Variants in EFHC2 observed in about 807,000 individuals in gnomAD.
The protein encoded by EFHC2 is EF-hand domain containing 2.
Under a neutral mutation model 52.7 loss-of-function variants are expected in EFHC2, and 18 were observed. The observed-to-expected ratio is 0.34, with a 90% CI of 0.24 to 0.51. The LOEUF is 0.51. EFHC2 is among the 20% of genes least tolerant of loss of function. EFHC2 has a pLI of 0.97. For synonymous variants in EFHC2, 203 were observed against 204.1 expected (o/e 0.99, Z 0.04); for missense variants, 513 against 562.5 (o/e 0.91, Z 0.89).
intron 3 of EFHC2, among the ~76,000 whole-genome samples, chrX:44,262,927 A>C (rs1201552485): frequency 5.3e-5 from 6 of 112,184 alleles, no homozygotes; most frequent in Non-Finnish European, 1.1e-4. Context: ...GGAGACACTA[A>C]GCCTCTATCT....
chrX:44,163,847 A>G, intron 14 of EFHC2, 75 bp downstream of exon 14: 1 of 709,875 alleles, frequency 1.4e-6, no homozygotes, highest in Non-Finnish European at 2.1e-6. Flanking sequence ...AATGAAAAAT[A>G]ATTTAAAGAT....
chrX:44,313,041 G>T (rs1602212271), intron 1 of EFHC2, among the ~76,000 whole-genome samples: 1 of 95,458 alleles, frequency 1.0e-5, no homozygotes, highest in Non-Finnish European at 2.0e-5. Flanking sequence ...TAAATATTTA[G>T]AACATTAGCT....
intron 2 of EFHC2, among the ~76,000 whole-genome samples, chrX:44,304,506 C>T (rs752822417): frequency 1.8e-5 from 2 of 111,505 alleles, no homozygotes; most frequent in Admixed American, 1.9e-4. Context: ...TGAGGACAAC[C>T]GTCTATATTT....
intron 11 of EFHC2, among the ~76,000 whole-genome samples, chrX:44,219,218 G>A (rs2037176122): frequency 9.2e-6 from 1 of 108,342 alleles, no homozygotes; most frequent in Non-Finnish European, 1.9e-5. Flanking sequence ...AATGGCAGAT[G>A]TGCACAGGAA....
chrX:44,275,796 C>A (rs958574017), intron 2 of EFHC2, among the ~76,000 whole-genome samples: 1 of 108,229 alleles, frequency 9.2e-6, no homozygotes, highest in Admixed American at 1.0e-4. Flanking sequence ...TGCTTGTAAT[C>A]CCAGCTACTC....
intron 13 of EFHC2, among the ~76,000 whole-genome samples, chrX:44,169,799 G>C (rs932124038): frequency 1.6e-4 from 18 of 110,745 alleles, no homozygotes; most frequent in Non-Finnish European, 1.9e-5. Flanking sequence ...TAGGAATAAA[G>C]AGAAGATCCT....
chrX:44,181,405 A>C (rs1363945187), intron 11 of EFHC2, among the ~76,000 whole-genome samples: 1 of 111,498 alleles, frequency 9.0e-6, no homozygotes. Flanking sequence ...GGCGTGAAGA[A>C]GAGAAAGTGG....
intron 2 of EFHC2, chrX:44,309,918 G>A: frequency 9.4e-7 from 1 of 1,060,147 alleles, no homozygotes; most frequent in Non-Finnish European, 1.3e-6. Flanking sequence ...CCTTTCTTTG[G>A]GATCTTTGAT....
In EFHC2 at chrX:44,250,113, A is replaced by G. The variant is rs866766528; in HGVS notation, c.858+81T>C. ...TAGTGCATGGTTACTATCATCATAT[A>G]GTCATAACACACAACATTCCAAACA... On this transcript the variant is annotated intron_variant, in intron 5 of 14. Transcript: ENST00000420999. The G allele has an allele frequency of 5.7e-5, 63 of 1,096,213 alleles. No individual in the cohort carries two copies. In the South Asian group the frequency reaches 1.1e-3, roughly 19 times the overall value. The allele number at this position is 1,096,213 out of a possible 1,213,427, so 90.3% of individuals were successfully genotyped here.
intron 1 of EFHC2, among the ~76,000 whole-genome samples, chrX:44,320,656 TCAAG>T (rs2038012867): frequency 9.0e-6 from 1 of 110,658 alleles, no homozygotes; most frequent in African/African-American, 3.3e-5. Flanking sequence ...ATAAAGACAC[TCAAG>T]TCTTTCAACT....
rs1161381895 is a variant in EFHC2, at chrX:44,248,419, GAC to G, written c.973-11_973-10del. Reference sequence around the variant, plus strand: ...TGGTCTACTTTTCCTAGCTAAAAAAGACAAAGGAACATAGCATTGGCACCATG... The same window carrying G: ...TGGTCTACTTTTCCTAGCTAAAAAAGAAAGGAACATAGCATTGGCACCATG... On this transcript the variant is annotated splice_polypyrimidine_tract_variant and intron_variant, in intron 6 of 14. Coordinates refer to ENST00000420999, the MANE Select transcript of EFHC2 (RefSeq NM_025184.4). The G allele has an allele frequency of 8.4e-7, 1 of 1,189,360 alleles. No individual in the cohort carries two copies. Among genetic ancestry groups the G allele is most frequent in the South Asian group, 1.9e-5 (1 of 53,779 alleles).
chrX:44,272,585 C>A, intron 3 of EFHC2, 101 bp downstream of exon 3: 1 of 900,817 alleles, frequency 1.1e-6, no homozygotes. Context: ...GGTTAGACAG[C>A]CTAAACAGTA....
At chrX:44,202,075 A>G (rs746234198) in intron 11 of EFHC2, among the ~76,000 whole-genome samples, 27 of 112,229 alleles carry the variant, frequency 2.4e-4, no homozygotes, top group Non-Finnish European at 4.9e-4. Context: ...GGAAGAAGCA[A>G]ATCTGTCATT....
chrX:44,283,308 G>C (rs753372924), intron 2 of EFHC2, among the ~76,000 whole-genome samples: 1 of 111,131 alleles, frequency 9.0e-6, no homozygotes, highest in Non-Finnish European at 1.9e-5. Flanking sequence ...TCAGCCTCCC[G>C]AGTAGCTGGG....
At chrX:44,215,120 T>C (rs1020404023) in intron 11 of EFHC2, among the ~76,000 whole-genome samples, 3 of 111,598 alleles carry the variant, frequency 2.7e-5, no homozygotes, top group Non-Finnish European at 5.6e-5. Flanking sequence ...CCTGCCACCC[T>C]GTGAAGAAGG....
intron 4 of EFHC2, among the ~76,000 whole-genome samples, chrX:44,252,693 T>C (rs2037460608): frequency 8.9e-6 from 1 of 112,329 alleles, no homozygotes; most frequent in Non-Finnish European, 1.9e-5. Context: ...AAGATTACTA[T>C]ATTTATTGAA....
At chrX:44,260,405 GTGTT>G (rs2037529381) in intron 4 of EFHC2, among the ~76,000 whole-genome samples, 1 of 111,673 alleles carries the variant, frequency 9.0e-6, no homozygotes, top group Admixed American at 9.5e-5. Context: ...CCCCCTTTGA[GTGTT>G]CAAATTCTTC....
In EFHC2 at chrX:44,322,753, G is replaced by C. The variant is rs943352410; in HGVS notation, c.43-9997C>G. 8.4e-4 allele frequency among the ~76,000 whole-genome samples: 94 copies of C among 112,112 alleles called. 1 individual carries two copies. The highest frequency in any genetic ancestry group is 3.2e-3 in the Admixed American group (34 of 10,560). On this transcript the variant is annotated intron_variant, in intron 1 of 14. Transcript: ENST00000420999. ...TTCTCAAGAGGAAGGACTTGGTATT[G>C]GCTTTTAGAGAGAACTGAGTCAGAG... is the stretch of plus-strand genomic sequence containing the variant.
chrX:44,321,906 A>C (rs1004162435), intron 1 of EFHC2, among the ~76,000 whole-genome samples: 4 of 111,942 alleles, frequency 3.6e-5, no homozygotes, highest in African/African-American at 6.5e-5. Context: ...GCTCAGAAAA[A>C]TGCAAGAAAT....
Sources: allele counts gnomAD v4.1 joint callset (sites outside exome capture counted in the v4.1 genomes callset), GRCh38; gene constraint gnomAD v4.1.1; transcripts MANE v1.5; gene names NCBI Gene and HGNC (gene_info 2026-07-23, HGNC 2026-07-21).